Variants in MIB2 observed in about 807,000 individuals in gnomAD.
MIB2 encodes the protein MIB E3 ubiquitin protein ligase 2.
A neutral mutation model predicts 96.6 loss-of-function variants in MIB2; 78 were observed. The observed-to-expected ratio is 0.81, with a 90% CI of 0.67 to 0.97. The LOEUF (loss-of-function observed/expected upper bound fraction) is 0.97, where lower values mean the gene tolerates loss of function less well. Among genes scored for constraint, MIB2 ranks in the 50% least tolerant of loss-of-function variants. MIB2 has a pLI of 0.00. For missense variants in MIB2, 1,543 were observed against 1,424.0 expected (o/e 1.08, Z -1.35); for synonymous variants, 820 against 629.5 (o/e 1.30, Z -4.53).
intron 19 of MIB2, among the ~76,000 whole-genome samples, 200 bp from the exon 20 acceptor site, chr1:1,630,092 A>C (rs1638543370): frequency 7.4e-6 from 1 of 134,336 alleles, no homozygotes; most frequent in Non-Finnish European, 1.6e-5. Context: ...ACACCACCTT[A>C]TGCCTGATTT....
chr1:1,629,338 G>A (rs1346750435), intron 17 of MIB2, 27 bp downstream of exon 17: 2 of 1,451,940 alleles, frequency 1.4e-6, no homozygotes, highest in East Asian at 2.7e-5. Flanking sequence ...CGGGGATGGG[G>A]TCCGGCGGCC....
In MIB2 at chr1:1,627,436, G is replaced by A. The variant is rs1218418629; in HGVS notation, c.1515G>A (p.Ala505=). The A allele has an allele frequency of 1.1e-5, 17 of 1,610,146 alleles. No homozygotes were observed. Among genetic ancestry groups the A allele is most frequent in the Middle Eastern group, 3.4e-4 (2 of 5,898 alleles). Residue 505 remains alanine (A), a synonymous_variant, in exon 12 of 20, where the codon GCG becomes GCA. Coordinates refer to ENST00000355826, the MANE Select transcript of MIB2 (RefSeq NM_001170687.4). ...DDEGNTALHY[A]ALGNQPEATR... is the part of the protein sequence containing the mutation. ...AGGGCAACACGGCACTGCACTACGC[G>A]GCCCTGGGGTGAGGCCTGGGAGGGG...
In MIB2 at chr1:1,624,979, C is replaced by A; in HGVS notation, c.527-12C>A. ...CTCAGCCTTAGCCTGCTGGGGGGGC[C>A]TCTTTCCCCAGGAGGGGAAGGGAAA... is the stretch of plus-strand genomic sequence containing the variant. On this transcript the variant is annotated splice_polypyrimidine_tract_variant and intron_variant, in intron 5 of 19. Coordinates refer to ENST00000355826, the MANE Select transcript of MIB2 (RefSeq NM_001170687.4). 2 of 1,608,866 alleles carry A rather than the reference C, an allele frequency of 1.2e-6. No individual in the cohort carries two copies. The highest frequency in any genetic ancestry group is 1.7e-4 in the Middle Eastern group (1 of 6,040).
chr1:1,628,889 T>A (rs546366037), intron 16 of MIB2, 167 bp downstream of exon 16: 1 of 741,472 alleles, frequency 1.3e-6, no homozygotes, highest in African/African-American at 1.8e-5. Flanking sequence ...TCCTTCAGCC[T>A]GCACCCCTAG....
chr1:1,625,685 C>G lies in MIB2; in HGVS notation c.972+32C>G. 6.6e-7 allele frequency: 1 copy of G among 1,524,700 alleles called. No homozygotes were observed. Among genetic ancestry groups the G allele is most frequent in the Non-Finnish European group, 8.9e-7 (1 of 1,124,950 alleles). 94.4% of individuals were successfully genotyped at this position (1,524,700 alleles called of 1,614,324 possible). On this transcript the variant is annotated intron_variant, in intron 8 of 19. Transcript: ENST00000355826. The surrounding 1 kb of genome is among the most constrained non-coding windows in gnomAD (Gnocchi z 5.0). ...GGGGGGCTGGGCTGCGCCTCATCTG[C>G]TTGCTTCTGTAACCCCTTCCACGTA...
chr1:1,617,304 T>G (rs1210610936), intron 2 of MIB2: 1 of 152,326 alleles, frequency 6.6e-6, no homozygotes, highest in African/African-American at 2.4e-5. Context: ...TAAAGGCAAT[T>G]TGCTAACTTT....
Position 1,630,356 on chromosome 1 carries a change from G to A in MIB2, c.2694G>A (p.Leu898=). ...PGPPRQLVEE[L]QSRYRQMEER... ...CGCCGCGCCAGCTGGTGGAGGAGCT[G>A]CAGAGCCGCTACCGGCAGATGGAGG... is the stretch of plus-strand genomic sequence containing the variant. The change falls in exon 20 of 20, where the codon CTG becomes CTA. Residue 898 remains leucine, a synonymous_variant. Transcript: ENST00000355826. 1.3e-6 allele frequency: 2 copies of A among 1,541,128 alleles called. No individual in the cohort carries two copies. Among genetic ancestry groups the A allele is most frequent in the East Asian group, 2.5e-5 (1 of 40,224 alleles).
At position 1,627,726 on chromosome 1, in the gene MIB2, C is replaced by T; in HGVS notation, c.1577C>T (p.Ala526Val). 6.3e-7 allele frequency: 1 copy of T among 1,595,730 alleles called. No homozygotes were observed. ...VLLSAGCRAD[A>V]INSTQSTALH... ...CTGAGTGCTGGGTGCCGGGCGGACG[C>T]CATCAACAGCACCCAGAGCACAGCA... The change falls in exon 13 of 20, where the codon GCC becomes GTC. Residue 526 changes from alanine (A) to valine (V), a missense_variant. Coordinates refer to ENST00000355826, the MANE Select transcript of MIB2 (RefSeq NM_001170687.4).
rs184627440 is a variant in MIB2 at position 1,616,860 on chromosome 1, C to G, written c.-23+246C>G. On this transcript the variant is annotated intron_variant, in intron 2 of 19. Transcript: ENST00000355826. The stretch of plus-strand genomic sequence containing the variant: ...CAGAGCGGCCGCAGCGCAGGAGCGC[C>G]GGCAAGCCTGGCCCTTCCCGGGAGG... 8.2e-4 allele frequency: 359 copies of G among 439,820 alleles called. 3 individuals carry two copies. The highest frequency in any genetic ancestry group is 6.6e-3 in the African/African-American group (316 of 47,528). 27.2% of individuals were successfully genotyped at this position (439,820 alleles called of 1,614,324 possible).
chr1:1,621,894 C>T (rs938410139), intron 2 of MIB2, among the ~76,000 whole-genome samples: 3 of 152,250 alleles, frequency 2.0e-5, no homozygotes, highest in African/African-American at 7.2e-5. Context: ...GGGCCTTGCT[C>T]GGGGGACAAC....
chr1:1,622,486 T>C (rs148558715), intron 2 of MIB2, among the ~76,000 whole-genome samples: 8 of 152,344 alleles, frequency 5.3e-5, no homozygotes, highest in African/African-American at 1.9e-4. Context: ...CCTCGAGCCC[T>C]GTGGCTGACT....
Position 1,625,578 on chromosome 1 carries a change from C to T in MIB2, c.897C>T (p.Ile299=). Residue 299 remains isoleucine, a synonymous_variant, in exon 8 of 20, where the codon ATC becomes ATT. Transcript: ENST00000355826. The surrounding 1 kb of genome is among the most constrained non-coding windows in gnomAD (Gnocchi z 5.0). ...FIGQTGTVHR[I]TDRGDVRVQF... is the part of the protein sequence containing the mutation. ...GACAGACGGGCACCGTGCATCGTAT[C>T]ACGGACCGCGGGGACGTGCGCGTGC... is the stretch of plus-strand genomic sequence containing the variant. 6.3e-7 allele frequency: 1 copy of T among 1,585,118 alleles called. No homozygotes were observed. The highest frequency in any genetic ancestry group is 1.1e-5 in the South Asian group (1 of 87,120).
intron 19 of MIB2, among the ~76,000 whole-genome samples, chr1:1,629,917 C>T (rs1345724016): frequency 7.3e-6 from 1 of 136,204 alleles, no homozygotes; most frequent in Non-Finnish European, 1.6e-5. Context: ...CTCAAGGTAA[C>T]ACCCTCCTCC....
At chr1:1,628,775 G>A in intron 16 of MIB2, 53 bp downstream of exon 16, 1 of 1,395,034 alleles carries the variant, frequency 7.2e-7, no homozygotes. Context: ...GCCGGCAGCA[G>A]GCTCTGGGCA....
intron 11 of MIB2, 29 bp downstream of exon 11, chr1:1,627,236 T>G: frequency 6.2e-7 from 1 of 1,612,240 alleles, no homozygotes; most frequent in Non-Finnish European, 8.5e-7. Flanking sequence ...CCTCCCATAC[T>G]GGCCAGTCTG....
rs2100507601 is a variant in MIB2, at chr1:1,626,601, G to A, written c.973-49G>A. ...TTGCCCTCCTGTTGCATGAGCCTGG[G>A]CAGCCACACACAGCTGGGGGGCCCC... On this transcript the variant is annotated intron_variant, in intron 8 of 19. Transcript: ENST00000355826. The surrounding 1 kb of genome is among the most constrained non-coding windows in gnomAD (Gnocchi z 5.3). The A allele has an allele frequency of 1.4e-6, 2 of 1,446,068 alleles. No homozygotes were observed. The highest frequency in any genetic ancestry group is 2.4e-5 in the East Asian group (1 of 41,012). 89.6% of individuals were successfully genotyped at this position (1,446,068 alleles called of 1,614,324 possible). A position where few individuals can be genotyped will look rare whatever the true frequency, so the allele number is the denominator to read the frequency against.
In MIB2 at chr1:1,626,797, C is replaced by T. The variant is rs374320129; in HGVS notation, c.1078-40C>T. On this transcript the variant is annotated intron_variant, in intron 9 of 19. Coordinates refer to ENST00000355826, the MANE Select transcript of MIB2 (RefSeq NM_001170687.4). This position sits in a 1 kb window ranked among gnomAD's most constrained non-coding sequence, Gnocchi z 5.3. Reference sequence around the variant, plus strand: ...CCCCGCCGCTAGCGCCGCTGCCCCCCACACCTGCAGCCTGCTGTGACCCCC... The same window carrying T: ...CCCCGCCGCTAGCGCCGCTGCCCCCTACACCTGCAGCCTGCTGTGACCCCC... 7 of 1,593,152 alleles carry T rather than the reference C, an allele frequency of 4.4e-6. No homozygotes were observed. In the Admixed American group the frequency reaches 6.7e-5, roughly 15 times the overall value.
Position 1,629,566 on chromosome 1 carries a change from G to T in MIB2, c.2563G>T (p.Glu855Ter). ...SPCQHRTVCE[E>*]CARRMKKCIR... ...GTGCCAGCACCGCACCGTGTGTGAG[G>T]GTGAGTGGGGGGCCCCGGGGTGGGG... The change falls in exon 18 of 20, where the codon GAG (glutamate) becomes TAG (stop). Residue 855 changes from glutamate (E) to a stop codon, truncating the protein, a stop_gained and splice_region_variant. Transcript: ENST00000355826. LOFTEE classifies it high-confidence loss of function. 6.5e-7 allele frequency: 1 copy of T among 1,547,722 alleles called. No individual in the cohort carries two copies.
chr1:1,613,980 G>C (rs566417004), upstream of MIB2: 1 of 152,168 alleles, frequency 6.6e-6, no homozygotes, highest in East Asian at 1.9e-4. Flanking sequence ...TGGCGAAAAC[G>C]TTGGGGTACT....
Sources: gnomAD v4.1 joint callset for allele counts (sites outside exome capture counted in the v4.1 genomes callset) on GRCh38, gnomAD v4.1.1 for gene constraint, Gnocchi (gnomAD v3.1) non-coding constraint, MANE v1.5 for transcripts, NCBI Gene and HGNC (gene_info 2026-07-23, HGNC 2026-07-21) for gene names.